CENPE: variants seen among roughly 807,000 people sequenced by gnomAD.
The protein encoded by CENPE is centromere protein E.
CENPE carries 145 observed loss-of-function variants against 336.1 expected under a neutral mutation model. That is an observed-to-expected ratio of 0.43 (90% CI 0.38 to 0.50). CENPE has a LOEUF of 0.50. Ranked by LOEUF, CENPE falls within the 20% of genes least tolerant of loss-of-function variation. The pLI, the probability that CENPE is intolerant of heterozygous loss-of-function variation, is 0.00. For synonymous variants in CENPE, 1,013 were observed against 984.8 expected (o/e 1.03, Z -0.54); for missense variants, 2,719 against 3,023.3 (o/e 0.90, Z 2.36).
At position 103,114,447 on chromosome 4, in the gene CENPE, C is replaced by A; in HGVS notation, c.7540+8G>T. ...TTTCATCTGAAAATATCTGCATTTTCTACTTACCTGAGGTATCTTGGGCCT... is the reference window on the plus strand; with the variant it reads ...TTTCATCTGAAAATATCTGCATTTTATACTTACCTGAGGTATCTTGGGCCT... On this transcript the variant is annotated splice_region_variant and intron_variant, in intron 46 of 48. Coordinates refer to ENST00000265148, the MANE Select transcript of CENPE (RefSeq NM_001813.3). 1 of 1,529,610 alleles carries A rather than the reference C, an allele frequency of 6.5e-7. No homozygotes were observed. The highest frequency in any genetic ancestry group is 9.1e-7 in the Non-Finnish European group (1 of 1,104,674). The allele number at this position is 1,529,610 out of a possible 1,614,324, so 94.8% of individuals were successfully genotyped here.
intron 25 of CENPE, 46 bp from the exon 26 acceptor site, chr4:103,151,423 A>T: frequency 7.3e-7 from 1 of 1,367,050 alleles, no homozygotes; most frequent in Non-Finnish European, 9.8e-7. Context: ...ATTAGCTAAC[A>T]TTTATGAAAT....
In CENPE at chr4:103,125,583, G is replaced by C. The variant is rs551129401; in HGVS notation, c.6925-2494C>G. The stretch of plus-strand genomic sequence containing the variant: ...TAGGTGTTTAGAAGTTGCCAGTCCA[G>C]GACGGGTGCAGTGGCTCACACCTGT... On this transcript the variant is annotated intron_variant, in intron 42 of 48. Transcript: ENST00000265148. Among the ~76,000 whole-genome samples the C allele has an allele frequency of 3.9e-3, 600 of 152,176 alleles. 3 individuals are homozygous for C. Among genetic ancestry groups the C allele is most frequent in the Non-Finnish European group, 6.3e-3 (425 of 67,992 alleles).
chr4:103,196,676 A>C, intron 2 of CENPE, 83 bp downstream of exon 2: 1 of 695,652 alleles, frequency 1.4e-6, no homozygotes, highest in Non-Finnish European at 2.5e-6. Context: ...CTTTAGTGAC[A>C]AATCTAATAT....
chr4:103,107,535 C>T (rs1749000851), intron 48 of CENPE, among the ~76,000 whole-genome samples: 1 of 152,294 alleles, frequency 6.6e-6, no homozygotes, highest in African/African-American at 2.4e-5. Context: ...TAGGCAGACA[C>T]ACTGTCACAA....
Position 103,145,966 on chromosome 4 carries a change from A to G in CENPE, c.4276T>C (p.Leu1426=). The G allele has an allele frequency of 6.2e-7, 1 of 1,613,936 alleles. No individual in the cohort carries two copies. Among genetic ancestry groups the G allele is most frequent in the South Asian group, 1.1e-5 (1 of 91,078 alleles). Reference sequence around the variant, plus strand: ...TGACTTTCTTGAAGTCTTTTGGACAATCCGAGCATTTCTATTTCTATCCTT... The same window carrying G: ...TGACTTTCTTGAAGTCTTTTGGACAGTCCGAGCATTTCTATTTCTATCCTT... The part of the protein sequence containing the change: ...LLRIEIEMLG[L]SKRLQESHDE... Residue 1426 remains leucine (L), a synonymous_variant, in exon 30 of 49, where the codon TTG becomes CTG. Coordinates refer to ENST00000265148, the MANE Select transcript of CENPE (RefSeq NM_001813.3).
At chr4:103,189,211 T>TGA (rs1384778567) in intron 8 of CENPE, among the ~76,000 whole-genome samples, 4 of 152,034 alleles carry the variant, frequency 2.6e-5, no homozygotes, top group African/African-American at 9.7e-5. Context: ...CTACCAGAGG[T>TGA]ACTAGGAGGA....
intron 26 of CENPE, 35 bp downstream of exon 26, chr4:103,151,183 GA>G: frequency 1.3e-6 from 2 of 1,568,966 alleles, no homozygotes; most frequent in East Asian, 2.3e-5. Flanking sequence ...AGTTTAGTTA[GA>G]AAAAATGGCC....
rs62327332 is a variant in CENPE, at chr4:103,129,041, C to T, written c.6924+3652G>A. 6.9e-3 allele frequency among the ~76,000 whole-genome samples: 1,043 copies of T among 152,110 alleles called. 10 individuals are homozygous for T. The highest frequency in any genetic ancestry group is 0.011 in the South Asian group (55 of 4,818). The stretch of plus-strand genomic sequence containing the variant: ...TGGATGACAGGACATCACTATAGAG[C>T]CCATGGACATTAAAAAATATTAGGA... On this transcript the variant is annotated intron_variant, in intron 42 of 48. Transcript: ENST00000265148.
At chr4:103,125,295 T>C (rs906102767) in intron 42 of CENPE, among the ~76,000 whole-genome samples, 3 of 152,222 alleles carry the variant, frequency 2.0e-5, no homozygotes, top group Admixed American at 6.5e-5. Context: ...CTAGCTACCA[T>C]TGCTCCAATT....
At chr4:103,138,300 C>A in intron 39 of CENPE, 51 bp downstream of exon 39, 1 of 1,266,314 alleles carries the variant, frequency 7.9e-7, no homozygotes, top group Non-Finnish European at 1.2e-6. Context: ...TTTCGGTAAG[C>A]CTTTGGAAGA....
chr4:103,147,564 T>G lies in CENPE; in HGVS notation c.3926A>C (p.Glu1309Ala). ...SETQETMNEL[E>A]LLTEQSTTKD... ...GGTTGTGGACTGTTCTGTTAATAAC[T>G]CCAGTTCATTCATTGTTTCCTGAGT... The change falls in exon 29 of 49, where the codon GAG becomes GCG. Residue 1309 changes from glutamate (E) to alanine (A), a missense_variant. This residue lies in a region of CENPE where 2,437 missense variants were observed against 2,513.3 expected (regional missense o/e 0.97). Transcript: ENST00000265148. 1 of 1,613,972 alleles carries G rather than the reference T, an allele frequency of 6.2e-7. No homozygotes were observed. The highest frequency in any genetic ancestry group is 8.5e-7 in the Non-Finnish European group (1 of 1,179,966).
chr4:103,111,834 C>T (rs565186239), intron 46 of CENPE, among the ~76,000 whole-genome samples: 89 of 151,928 alleles, frequency 5.9e-4, no homozygotes, highest in Non-Finnish European at 6.5e-4. Context: ...TACTAGGTAA[C>T]ACCTTAACAC....
chr4:103,151,594 T>C (rs955650294), intron 25 of CENPE, among the ~76,000 whole-genome samples: 2 of 152,218 alleles, frequency 1.3e-5, no homozygotes, highest in Non-Finnish European at 1.5e-5. Flanking sequence ...TTTACATTCC[T>C]ACCATGAGAA....
chr4:103,191,707 A>C (rs1480617390), intron 8 of CENPE, among the ~76,000 whole-genome samples: 1 of 152,050 alleles, frequency 6.6e-6, no homozygotes, highest in African/African-American at 2.4e-5. Flanking sequence ...TGACGAGTTA[A>C]TGGGTGCAGT....
intron 16 of CENPE, among the ~76,000 whole-genome samples, chr4:103,165,274 T>A (rs1028322542): frequency 2.6e-5 from 4 of 152,138 alleles, no homozygotes; most frequent in Non-Finnish European, 5.9e-5. Context: ...TTAACTTACA[T>A]CTCCAAGTAG....
In CENPE at chr4:103,141,020, C is replaced by T; in HGVS notation, c.5548G>A (p.Glu1850Lys). The T allele has an allele frequency of 1.2e-6, 2 of 1,603,974 alleles. No homozygotes were observed. The highest frequency in any genetic ancestry group is 1.7e-6 in the Non-Finnish European group (2 of 1,172,272). ...NETQKKVSEM[E>K]QLKKQIKDQS... ...TCTTTTATTTGTTTCTTTAGTTGCT[C>T]CATTTCAGACACTTTTTTCTGTGTC... Residue 1850 changes from glutamate to lysine, a missense_variant, in exon 36 of 49, where the codon GAG (glutamate) becomes AAG (lysine). Glu to Lys is a moderately conservative substitution (Grantham distance 56). Coordinates refer to ENST00000265148, the MANE Select transcript of CENPE (RefSeq NM_001813.3).
At chr4:103,174,213 A>C (rs1755664198) in intron 16 of CENPE, among the ~76,000 whole-genome samples, 1 of 151,946 alleles carries the variant, frequency 6.6e-6, no homozygotes, top group Non-Finnish European at 1.5e-5. Context: ...AACAATATGG[A>C]TGAACCCAAA....
At chr4:103,163,350 G>A (rs1002291513) in intron 17 of CENPE, 94 bp from the exon 18 acceptor site, 14 of 1,302,164 alleles carry the variant, frequency 1.1e-5, no homozygotes, top group Admixed American at 2.2e-5. Flanking sequence ...TAAATTCATA[G>A]TAAAATTCAA....
intron 40 of CENPE, among the ~76,000 whole-genome samples, chr4:103,134,790 C>T (rs568317509): frequency 9.9e-5 from 15 of 152,258 alleles, no homozygotes; most frequent in South Asian, 6.2e-4. Context: ...TACCAGGGCC[C>T]GAAGGGCAAT....
Sources: allele counts gnomAD v4.1 joint callset (sites outside exome capture counted in the v4.1 genomes callset), GRCh38; gene constraint gnomAD v4.1.1; regional missense constraint gnomAD v4.1.1; transcripts MANE v1.5; gene names NCBI Gene and HGNC (gene_info 2026-07-23, HGNC 2026-07-21).